The following SPOCK1 variants were observed in gnomAD, a reference collection of about 807,000 sequenced individuals.
SPOCK1 encodes the protein SPARC (osteonectin), cwcv and kazal like domains proteoglycan 1.
A neutral mutation model predicts 55.3 loss-of-function variants in SPOCK1; 23 were observed. That is an observed-to-expected ratio of 0.42 (90% CI 0.30 to 0.59). SPOCK1 has a LOEUF of 0.59. SPOCK1 is among the 20% of genes least tolerant of loss of function. The probability of loss-of-function intolerance (pLI) is 0.22; values close to 1 mark genes in which losing one functional copy is unlikely to be tolerated. For missense variants in SPOCK1, 499 were observed against 552.5 expected, an observed-to-expected ratio of 0.90 and a Z score of 0.97; for synonymous variants, 226 against 221.0, an observed-to-expected ratio of 1.02 and a Z score of -0.20.
At chr5:137,078,273 T>A (rs1483048753) in intron 5 of SPOCK1, among the ~76,000 whole-genome samples, 1 of 152,154 alleles carries the variant, frequency 6.6e-6, no homozygotes, top group Non-Finnish European at 1.5e-5. Flanking sequence ...CTGCTTAAAA[T>A]TAAAATGTCT....
chr5:137,020,456 T>C (rs1186151732), intron 6 of SPOCK1, among the ~76,000 whole-genome samples: 2 of 151,870 alleles, frequency 1.3e-5, no homozygotes, highest in African/African-American at 4.8e-5. Context: ...CACTTAATAA[T>C]ATAAAAGATA....
At chr5:137,315,021 C>T (rs1256473234) in intron 2 of SPOCK1, among the ~76,000 whole-genome samples, 1 of 152,144 alleles carries the variant, frequency 6.6e-6, no homozygotes, top group Non-Finnish European at 1.5e-5. Flanking sequence ...TCAGTATGCA[C>T]CAAATCCTGT....
At chr5:137,310,506 T>C (rs1186363382) in intron 2 of SPOCK1, among the ~76,000 whole-genome samples, 1 of 152,206 alleles carries the variant, frequency 6.6e-6, no homozygotes, top group Admixed American at 6.5e-5. Flanking sequence ...TGGATCAACA[T>C]GCCAGAATCA....
At chr5:137,150,701 G>C (rs1365426874) in intron 3 of SPOCK1, among the ~76,000 whole-genome samples, 1 of 152,066 alleles carries the variant, frequency 6.6e-6, no homozygotes, top group Non-Finnish European at 1.5e-5. Flanking sequence ...GGTGTATAAG[G>C]TTGGGGCTTT....
chr5:137,216,744 T>G (rs145214380), intron 3 of SPOCK1, among the ~76,000 whole-genome samples: 2 of 151,998 alleles, frequency 1.3e-5, no homozygotes, highest in Non-Finnish European at 2.9e-5. Context: ...GTTAGTAAAA[T>G]AAGCAAGTAT....
At chr5:137,377,657 C>G (rs1215242725) in intron 2 of SPOCK1, among the ~76,000 whole-genome samples, 1 of 152,060 alleles carries the variant, frequency 6.6e-6, no homozygotes, top group Non-Finnish European at 1.5e-5. Context: ...AAGACATAAG[C>G]AATTCAATAA....
At chr5:137,442,997 C>A (rs1263627755) in intron 2 of SPOCK1, among the ~76,000 whole-genome samples, 1 of 152,114 alleles carries the variant, frequency 6.6e-6, no homozygotes, top group Non-Finnish European at 1.5e-5. Flanking sequence ...TGACATCTGC[C>A]CAAGTTACTG....
At chr5:137,092,213 C>T (rs1372789771) in intron 5 of SPOCK1, among the ~76,000 whole-genome samples, 1 of 152,214 alleles carries the variant, frequency 6.6e-6, no homozygotes, top group Non-Finnish European at 1.5e-5. Flanking sequence ...AGTATACAGA[C>T]ATTAAATAAT....
chr5:137,210,240 A>AG (rs1401550259), intron 3 of SPOCK1, among the ~76,000 whole-genome samples: 2 of 152,176 alleles, frequency 1.3e-5, no homozygotes, highest in African/African-American at 4.8e-5. Context: ...CCTCTTCTAT[A>AG]GAACAGGAAA....
intron 5 of SPOCK1, among the ~76,000 whole-genome samples, chr5:137,102,578 T>C (rs938153478): frequency 6.6e-6 from 1 of 152,198 alleles, no homozygotes; most frequent in Non-Finnish European, 1.5e-5. Flanking sequence ...GTTTCTGTCA[T>C]TAAAATCAAA....
intron 3 of SPOCK1, among the ~76,000 whole-genome samples, chr5:137,152,269 T>C (rs1444109096): frequency 6.6e-6 from 1 of 152,218 alleles, no homozygotes; most frequent in Non-Finnish European, 1.5e-5. Flanking sequence ...TGCATCTAAA[T>C]AAGCTAAATA....
chr5:137,319,806 G>T (rs536782473), intron 2 of SPOCK1, among the ~76,000 whole-genome samples: 1 of 151,906 alleles, frequency 6.6e-6, no homozygotes, highest in South Asian at 2.1e-4. Context: ...TTAGCCAGGC[G>T]CGGTGGCGGG....
At chr5:137,149,084 G>C (rs774788006) in intron 3 of SPOCK1, among the ~76,000 whole-genome samples, 7 of 152,174 alleles carry the variant, frequency 4.6e-5, no homozygotes, top group African/African-American at 1.7e-4. Context: ...ACAAAAGTGC[G>C]AGCTGCTTTT....
intron 2 of SPOCK1, among the ~76,000 whole-genome samples, chr5:137,338,826 A>G (rs1750348384): frequency 6.6e-6 from 1 of 152,116 alleles, no homozygotes; most frequent in Admixed American, 6.5e-5. Context: ...TCTTTTGAGA[A>G]GTGTCTGTTC....
At position 137,420,358 on chromosome 5, in the gene SPOCK1, T is replaced by C. The variant is rs544022269; in HGVS notation, c.186+78015A>G. 5.3e-5 allele frequency among the ~76,000 whole-genome samples: 8 copies of C among 152,320 alleles called. 1 individual carries two copies. Among genetic ancestry groups the C allele is most frequent in the Admixed American group, 1.3e-4 (2 of 15,302 alleles). The stretch of plus-strand genomic sequence containing the variant: ...CTCTTTTTCTATTGATTGGAATAGT[T>C]TCAGAAGGAATGGTACCAGCTCCTC... On this transcript the variant is annotated intron_variant, in intron 2 of 10. Coordinates refer to ENST00000394945, the MANE Select transcript of SPOCK1 (RefSeq NM_004598.4).
intron 2 of SPOCK1, among the ~76,000 whole-genome samples, chr5:137,406,446 C>T (rs1265551833): frequency 2.0e-5 from 3 of 152,180 alleles, no homozygotes; most frequent in Non-Finnish European, 4.4e-5. Context: ...TTTCAGACAG[C>T]CTTACCTTGT....
At chr5:137,211,516 C>T (rs186498619) in intron 3 of SPOCK1, among the ~76,000 whole-genome samples, 136 of 152,180 alleles carry the variant, frequency 8.9e-4, no homozygotes, top group African/African-American at 3.2e-3. Flanking sequence ...GGTCTTTGAC[C>T]CTGGCTTCTA....
intron 2 of SPOCK1, among the ~76,000 whole-genome samples, chr5:137,447,614 C>G (rs201909290): frequency 2.1e-4 from 4 of 19,088 alleles, no homozygotes; most frequent in Non-Finnish European, 3.8e-4. Flanking sequence ...TTCCCCCCCC[C>G]AATATATGAC....
At chr5:137,406,979 T>C (rs1258342709) in intron 2 of SPOCK1, among the ~76,000 whole-genome samples, 2 of 152,186 alleles carry the variant, frequency 1.3e-5, no homozygotes, top group Non-Finnish European at 2.9e-5. Context: ...GAAATCTGCC[T>C]AAGGCCAAAA....
Sources: gnomAD v4.1 joint callset for allele counts (sites outside exome capture counted in the v4.1 genomes callset) on GRCh38, gnomAD v4.1.1 for gene constraint, MANE v1.5 for transcripts, NCBI Gene and HGNC (gene_info 2026-07-23, HGNC 2026-07-21) for gene names.